The following CCDC201 variants were observed in gnomAD, a reference collection of about 807,000 sequenced individuals.
The protein encoded by CCDC201 is coiled-coil domain containing 201.
At chr7:45,873,774 G>A (rs1786769456), upstream of CCDC201, among the ~76,000 whole-genome samples, 1 of 152,012 alleles carries the variant, frequency 6.6e-6, no homozygotes, top group African/African-American at 2.4e-5. Context: ...ACTTTTTTGG[G>A]GAATGAAACT....
At chr7:45,878,766 G>T in the CCDC201 span, among the ~76,000 whole-genome samples, 2 of 152,218 alleles carry the variant, frequency 1.3e-5, no homozygotes. Context: ...TTTTCCCATT[G>T]TCTTGGCTAT....
intron 1 of CCDC201, among the ~76,000 whole-genome samples, chr7:45,868,000 G>A (rs907923205): frequency 1.3e-5 from 2 of 152,156 alleles, no homozygotes; most frequent in Non-Finnish European, 2.9e-5. Flanking sequence ...TTATTTACTG[G>A]GTAACAAATA....
chr7:45,861,391 C>T (rs972570176), exon 3 of CCDC201: 1 of 152,084 alleles, frequency 6.6e-6, no homozygotes, highest in Non-Finnish European at 1.5e-5. Flanking sequence ...ATAGCTTATA[C>T]AGGAGGAACT....
At chr7:45,866,905 C>CA (rs1226978573) in intron 1 of CCDC201, among the ~76,000 whole-genome samples, 1 of 152,082 alleles carries the variant, frequency 6.6e-6, no homozygotes, top group Non-Finnish European at 1.5e-5. Context: ...TGTTGACAAA[C>CA]ATTGTAGTAT....
At chr7:45,865,916 T>C (rs1434096716) in intron 2 of CCDC201, 120 bp downstream of exon 2, 2 of 152,654 alleles carry the variant, frequency 1.3e-5, no homozygotes, top group Non-Finnish European at 1.5e-5. Flanking sequence ...GGAGCATTAA[T>C]TGGGGGAAGG....
At chr7:45,860,309 G>C (rs1306912049) in exon 3 of CCDC201, 3 of 152,182 alleles carry the variant, frequency 2.0e-5, no homozygotes, top group Admixed American at 2.0e-4. Flanking sequence ...CATCAGTTAA[G>C]GCTATTTTCA....
At chr7:45,879,782 T>C in the CCDC201 span, among the ~76,000 whole-genome samples, 2 of 152,214 alleles carry the variant, frequency 1.3e-5, no homozygotes, top group South Asian at 4.1e-4. Flanking sequence ...TAACACAGTA[T>C]TGCTTTAAAA....
At chr7:45,865,369 G>T (rs1339202589) in intron 2 of CCDC201, among the ~76,000 whole-genome samples, 1 of 152,188 alleles carries the variant, frequency 6.6e-6, no homozygotes, top group Non-Finnish European at 1.5e-5. Context: ...TCCAGCTGTG[G>T]CAAGGGCCTG....
At chr7:45,881,243 G>A in the CCDC201 span, among the ~76,000 whole-genome samples, 4 of 152,182 alleles carry the variant, frequency 2.6e-5, no homozygotes, top group East Asian at 1.9e-4. Flanking sequence ...CTGGTGGCTC[G>A]TCCTCATTTC....
upstream of CCDC201, among the ~76,000 whole-genome samples, chr7:45,877,338 C>T (rs557025332): frequency 1.9e-4 from 29 of 152,288 alleles, no homozygotes; most frequent in South Asian, 2.5e-3. Flanking sequence ...CTCTAGGTTT[C>T]TTTTGACCCC....
At chr7:45,880,848 C>G in the CCDC201 span, among the ~76,000 whole-genome samples, 3 of 152,184 alleles carry the variant, frequency 2.0e-5, no homozygotes, top group African/African-American at 7.2e-5. Flanking sequence ...AGAGGTCCTG[C>G]TGCCCCTGTG....
the CCDC201 span, among the ~76,000 whole-genome samples, chr7:45,881,199 C>T: frequency 6.6e-6 from 1 of 152,120 alleles, no homozygotes; most frequent in African/African-American, 2.4e-5. Context: ...ATGCATGTGT[C>T]TCCTGGGAGT....
At chr7:45,884,452 T>G in the CCDC201 span, among the ~76,000 whole-genome samples, 1 of 152,202 alleles carries the variant, frequency 6.6e-6, no homozygotes, top group Non-Finnish European at 1.5e-5. Flanking sequence ...ACCCCTGTGG[T>G]GGTGGCCTGC....
chr7:45,883,979 CTTTT>C, the CCDC201 span, among the ~76,000 whole-genome samples: 5 of 151,148 alleles, frequency 3.3e-5, no homozygotes, highest in African/African-American at 4.9e-5. Flanking sequence ...TTCTTTCTTT[CTTTT>C]CTTTTCTTTC....
At chr7:45,876,642 T>G (rs1411267829), upstream of CCDC201, among the ~76,000 whole-genome samples, 1 of 152,172 alleles carries the variant, frequency 6.6e-6, no homozygotes, top group African/African-American at 2.4e-5. Context: ...GTTTGGGCAG[T>G]GTAAGGATAT....
At chr7:45,883,076 T>C in the CCDC201 span, among the ~76,000 whole-genome samples, 1 of 152,202 alleles carries the variant, frequency 6.6e-6, no homozygotes, top group Admixed American at 6.5e-5. Context: ...GCATGAGGTA[T>C]GCCCAGTATA....
intron 1 of CCDC201, 40 bp from the exon 2 acceptor site, chr7:45,866,534 TG>T (rs889354344): frequency 6.6e-6 from 1 of 152,146 alleles, no homozygotes; most frequent in African/African-American, 2.4e-5. Flanking sequence ...TAGAAAGTCC[TG>T]GGGAGCCTTG....
chr7:45,863,621 G>T (rs1786629262), intron 2 of CCDC201, among the ~76,000 whole-genome samples: 1 of 152,172 alleles, frequency 6.6e-6, no homozygotes, highest in South Asian at 2.1e-4. Context: ...GGCCTCCCCA[G>T]TTCAGCACAG....
At chr7:45,873,811 C>T (rs182975824), upstream of CCDC201, among the ~76,000 whole-genome samples, 173 of 152,202 alleles carry the variant, frequency 1.1e-3, 1 homozygote, top group South Asian at 0.032. Context: ...AAGCTAGTAA[C>T]GACTAGAATG....
Sources: allele counts gnomAD v4.1 joint callset (sites outside exome capture counted in the v4.1 genomes callset), GRCh38; gene constraint gnomAD v4.1.1; transcripts MANE v1.5; gene names NCBI Gene and HGNC (gene_info 2026-07-23, HGNC 2026-07-21).